Variants in MUC17 observed in about 807,000 individuals in gnomAD.
MUC17 encodes the protein mucin 17, cell surface associated.
MUC17 carries 190 observed loss-of-function variants against 170.3 expected under a neutral mutation model. The ratio of observed to expected loss-of-function variants is 1.12; its 90% CI spans 0.99 to 1.26. The LOEUF (loss-of-function observed/expected upper bound fraction) is 1.26. Ranked by LOEUF, MUC17 falls within the 50% of genes most tolerant of loss-of-function variation. The pLI, the probability that MUC17 is intolerant of heterozygous loss-of-function variation, is 0.00. For missense variants in MUC17, 6,415 were observed against 5,530.0 expected (o/e 1.16, Z -5.08); for synonymous variants, 2,325 against 2,002.5 (o/e 1.16, Z -4.30).
In MUC17 at chr7:101,036,266, A is replaced by G; in HGVS notation, c.4850A>G (p.Glu1617Gly). 1 of 1,613,758 alleles carries G rather than the reference A, an allele frequency of 6.2e-7. No homozygotes were observed. The highest frequency in any genetic ancestry group is 2.2e-5 in the East Asian group (1 of 44,820). ...GAAGCCAGTTCATCTACAACCGCTG[A>G]AGGTAGCAGCATGACAATCTCAACT... ...STEASSSTTA[E>G]GSSMTISTPS... is the part of the protein sequence containing the mutation. Residue 1617 changes from glutamate to glycine, a missense_variant, in exon 3 of 13, where the codon GAA becomes GGA. Glu to Gly is a moderately conservative substitution (Grantham distance 98). Coordinates refer to ENST00000306151, the MANE Select transcript of MUC17 (RefSeq NM_001040105.2).
At chr7:101,050,778 C>T in intron 7 of MUC17, 143 bp downstream of exon 7, 1 of 1,264,616 alleles carries the variant, frequency 7.9e-7, no homozygotes. Context: ...CCTGGGGTTG[C>T]AGCGCAAAGA....
chr7:101,038,747 C>T lies in MUC17; in HGVS notation c.7331C>T (p.Thr2444Ile), dbSNP rs764378074. Residue 2444 changes from threonine to isoleucine, a missense_variant, in exon 3 of 13, where the codon ACC becomes ATC. Physicochemically the swap from Thr to Ile is moderately conservative, Grantham distance 89 (BLOSUM62 -1). Transcript: ENST00000306151. Reference protein sequence around the residue: ...ASSSPTTAEGTSIPTSPPSEG... With the variant: ...ASSSPTTAEGISIPTSPPSEG... ...TCATCTCCTACAACTGCTGAAGGTA[C>T]CAGCATACCAACCTCACCTCCTAGT... 1.4e-5 allele frequency: 23 copies of T among 1,611,042 alleles called. No homozygotes were observed. The highest frequency in any genetic ancestry group is 5.0e-5 in the Admixed American group (3 of 59,714).
At chr7:101,026,931 G>T (rs1297478472) in intron 1 of MUC17, among the ~76,000 whole-genome samples, 1 of 151,752 alleles carries the variant, frequency 6.6e-6, no homozygotes, top group Non-Finnish European at 1.5e-5. Flanking sequence ...TCTGAGGCTG[G>T]TCTCAAACTC....
chr7:101,049,034 G>C (rs765312923), intron 5 of MUC17, 62 bp downstream of exon 5: 20 of 1,609,444 alleles, frequency 1.2e-5, no homozygotes, highest in Non-Finnish European at 1.6e-5. Context: ...AGTCTGTAGG[G>C]TAAGAAGGTA....
In MUC17 at chr7:101,038,720, G is replaced by A. The variant is rs768371308; in HGVS notation, c.7304G>A (p.Ser2435Asn). Residue 2435 changes from serine (S) to asparagine (N), a missense_variant, in exon 3 of 13, where the codon AGT becomes AAT. Coordinates refer to ENST00000306151, the MANE Select transcript of MUC17 (RefSeq NM_001040105.2). ...CCTGTCACCACTTCTACTGAAGCCA[G>A]TTCATCTCCTACAACTGCTGAAGGT... ...STPVTTSTEA[S>N]SSPTTAEGTS... is the part of the protein sequence containing the mutation. The A allele has an allele frequency of 1.9e-6, 3 of 1,612,082 alleles. No individual in the cohort carries two copies. The highest frequency in any genetic ancestry group is 2.5e-6 in the Non-Finnish European group (3 of 1,179,012).
chr7:101,020,542 C>A (rs867807130), intron 1 of MUC17, among the ~76,000 whole-genome samples: 3 of 152,074 alleles, frequency 2.0e-5, no homozygotes, highest in African/African-American at 7.2e-5. Context: ...AGCTCCCCCC[C>A]CGAGGCATGA....
Position 101,041,584 on chromosome 7 carries a change from C to A in MUC17, c.10168C>A (p.Pro3390Thr). Residue 3390 changes from proline (P) to threonine (T), a missense_variant, in exon 3 of 13, where the codon CCA becomes ACA. By Grantham distance (38) the Pro-to-Thr change is conservative. Coordinates refer to ENST00000306151, the MANE Select transcript of MUC17 (RefSeq NM_001040105.2). The part of the protein sequence containing the change: ...SPTTAEGTSI[P>T]TSSPSEGTTP... ...TACAACTGCTGAAGGTACCAGCATA[C>A]CAACCTCAAGTCCTAGTGAAGGAAC... 1 of 1,613,716 alleles carries A rather than the reference C, an allele frequency of 6.2e-7. No individual in the cohort carries two copies. The highest frequency in any genetic ancestry group is 8.5e-7 in the Non-Finnish European group (1 of 1,179,934).
In MUC17 at chr7:101,034,350, T is replaced by A. The variant is rs751853392; in HGVS notation, c.2934T>A (p.Pro978=). ...AEGTSIPTST[P]SEGTTPLTST... is the part of the protein sequence containing the mutation. The stretch of plus-strand genomic sequence containing the variant: ...GTACCAGCATACCAACCTCGACTCC[T>A]AGTGAAGGAACGACTCCATTAACAA... The change falls in exon 3 of 13, where the codon CCT becomes CCA. Residue 978 remains proline, a synonymous_variant. Transcript: ENST00000306151. 6.2e-7 allele frequency: 1 copy of A among 1,608,378 alleles called. No individual in the cohort carries two copies. The highest frequency in any genetic ancestry group is 8.5e-7 in the Non-Finnish European group (1 of 1,177,570).
chr7:101,028,048 C>T (rs1794211741), intron 1 of MUC17, among the ~76,000 whole-genome samples: 1 of 151,030 alleles, frequency 6.6e-6, no homozygotes, highest in Non-Finnish European at 1.5e-5. Flanking sequence ...GCTGGGATTA[C>T]AGGTGTGAGC....
rs911744237 is a variant in MUC17 at position 101,034,962 on chromosome 7, A to G, written c.3546A>G (p.Thr1182=). ...GTTCTGAGGCTAACACCCTTTCAAC[A>G]ACTCCTGTGGACTCCAAAACTCAGG... The part of the protein sequence containing the change: ...VVSSEANTLS[T]TPVDSKTQVA... The change falls in exon 3 of 13, where the codon ACA becomes ACG. Residue 1182 remains threonine, a synonymous_variant. Transcript: ENST00000306151. 7.4e-6 allele frequency: 12 copies of G among 1,613,882 alleles called. No individual in the cohort carries two copies. The highest frequency in any genetic ancestry group is 1.0e-5 in the Non-Finnish European group (12 of 1,179,944).
In MUC17 at chr7:101,050,039, G is replaced by A. The variant is rs1161087638; in HGVS notation, c.12723-445G>A. On this transcript the variant is annotated intron_variant, in intron 6 of 12. Coordinates refer to ENST00000306151, the MANE Select transcript of MUC17 (RefSeq NM_001040105.2). ...CTAGCTACTCAGGAATCCGAGGCAGGAGGATCACGTGAGCCCAGGAGTCAG... is the reference window on the plus strand; with the variant it reads ...CTAGCTACTCAGGAATCCGAGGCAGAAGGATCACGTGAGCCCAGGAGTCAG... 3.3e-5 allele frequency among the ~76,000 whole-genome samples: 5 copies of A among 152,324 alleles called. No homozygotes were observed. In the East Asian group the frequency reaches 9.6e-4, roughly 29 times the overall value.
In MUC17 at chr7:101,040,574, T is replaced by C. The variant is rs1352600437; in HGVS notation, c.9158T>C (p.Val3053Ala). The C allele has an allele frequency of 6.2e-7, 1 of 1,612,790 alleles. No individual in the cohort carries two copies. Among genetic ancestry groups the C allele is most frequent in the Non-Finnish European group, 8.5e-7 (1 of 1,179,686 alleles). ...AGTACTCCATTAACAAGTATACCTG[T>C]CAGCACCACGCCAGTGGCCATTCCT... ...EGSTPLTSIP[V>A]STTPVAIPEA... is the part of the protein sequence containing the mutation. Residue 3053 changes from valine (V) to alanine (A), a missense_variant, in exon 3 of 13, where the codon GTC becomes GCC. Physicochemically the swap from Val to Ala is moderately conservative, Grantham distance 64. Coordinates refer to ENST00000306151, the MANE Select transcript of MUC17 (RefSeq NM_001040105.2).
intron 1 of MUC17, among the ~76,000 whole-genome samples, chr7:101,021,937 T>C (rs1012476782): frequency 1.3e-5 from 2 of 152,142 alleles, no homozygotes; most frequent in South Asian, 4.1e-4. Flanking sequence ...ATCACCTGGT[T>C]ATATTGCTTG....
chr7:101,039,578 C>A lies in MUC17; in HGVS notation c.8162C>A (p.Thr2721Lys). 1 of 1,611,270 alleles carries A rather than the reference C, an allele frequency of 6.2e-7. No individual in the cohort carries two copies. The highest frequency in any genetic ancestry group is 8.5e-7 in the Non-Finnish European group (1 of 1,178,642). The change falls in exon 3 of 13, where the codon ACA becomes AAA. Residue 2721 changes from threonine (T) to lysine (K), a missense_variant. Coordinates refer to ENST00000306151, the MANE Select transcript of MUC17 (RefSeq NM_001040105.2). ...TCAACAACTCCTGTTGACACCAGCA[C>A]ACCTGTCACCACTTCTGCTGAAGCC... is the stretch of plus-strand genomic sequence containing the variant. ...TLSTTPVDTS[T>K]PVTTSAEASS...
In MUC17 at chr7:101,050,504, A is replaced by T. The variant is rs1794918558; in HGVS notation, c.12743A>T (p.Glu4248Val). The change falls in exon 7 of 13, where the codon GAG becomes GTG. Residue 4248 changes from glutamate (E) to valine (V), a missense_variant. Glu to Val is a moderately radical substitution (Grantham distance 121). Coordinates refer to ENST00000306151, the MANE Select transcript of MUC17 (RefSeq NM_001040105.2). ...TKLRLGSVVV[E>V]HDVLLRTKYT... ...TTCAGTCTTGGCAGTGTGGTGGTGG[A>T]GCATGACGTCCTCCTAAGAACCAAG... The T allele has an allele frequency of 3.7e-6, 6 of 1,613,894 alleles. No individual in the cohort carries two copies. The highest frequency in any genetic ancestry group is 1.3e-5 in the African/African-American group (1 of 75,022).
intron 1 of MUC17, among the ~76,000 whole-genome samples, chr7:101,020,902 G>T (rs1472701506): frequency 6.6e-6 from 1 of 152,112 alleles, no homozygotes; most frequent in Non-Finnish European, 1.5e-5. Context: ...GTGGGTTCCA[G>T]CTGGACTCTC....
In MUC17 at chr7:101,053,062, C is replaced by T. The variant is rs746960052; in HGVS notation, c.13180C>T (p.Leu4394Phe). The change falls in exon 10 of 13, where the codon CTC becomes TTC. Residue 4394 changes from leucine (L) to phenylalanine (F), a missense_variant. Coordinates refer to ENST00000306151, the MANE Select transcript of MUC17 (RefSeq NM_001040105.2). ...QGTQKSLVYG[L>F]VGAGVVLMLI... ...CACCCAGAAGAGTCTGGTGTACGGCCTCGTGGGGGCAGGGGTCGTGCTGAT... is the reference window on the plus strand; with the variant it reads ...CACCCAGAAGAGTCTGGTGTACGGCTTCGTGGGGGCAGGGGTCGTGCTGAT... 1.2e-6 allele frequency: 2 copies of T among 1,614,128 alleles called. No homozygotes were observed. The highest frequency in any genetic ancestry group is 1.1e-5 in the South Asian group (1 of 91,080).
At position 101,040,364 on chromosome 7, in the gene MUC17, G is replaced by A. The variant is rs759114833; in HGVS notation, c.8948G>A (p.Gly2983Asp). 2 of 1,611,874 alleles carry A rather than the reference G, an allele frequency of 1.2e-6. No homozygotes were observed. The highest frequency in any genetic ancestry group is 1.7e-6 in the Non-Finnish European group (2 of 1,179,362). Residue 2983 changes from glycine to aspartate, a missense_variant, in exon 3 of 13, where the codon GGC (glycine) becomes GAC (aspartate). Coordinates refer to ENST00000306151, the MANE Select transcript of MUC17 (RefSeq NM_001040105.2). ...EGTSMPISTP[G>D]ERRTPLTSMS... is the part of the protein sequence containing the mutation. ...ACCAGCATGCCAATCTCAACTCCTG[G>A]CGAAAGAAGAACTCCATTAACAAGT...
chr7:101,029,879 G>A (rs1249757550), intron 1 of MUC17, among the ~76,000 whole-genome samples: 1 of 152,012 alleles, frequency 6.6e-6, no homozygotes, highest in African/African-American at 2.4e-5. Flanking sequence ...GATTACAGGC[G>A]TGAACCACCG....
Sources: gnomAD v4.1 joint callset for allele counts (sites outside exome capture counted in the v4.1 genomes callset) on GRCh38, gnomAD v4.1.1 for gene constraint, MANE v1.5 for transcripts, NCBI Gene and HGNC (gene_info 2026-07-23, HGNC 2026-07-21) for gene names.